Variants in DIAPH2 observed in about 807,000 individuals in gnomAD.
DIAPH2 encodes diaphanous related formin 2, also known as protein diaphanous homolog 2.
DIAPH2 carries 35 observed loss-of-function variants against 92.7 expected under a neutral mutation model. The ratio of observed to expected loss-of-function variants is 0.38; its 90% CI spans 0.29 to 0.50. The LOEUF (loss-of-function observed/expected upper bound fraction) is 0.50. DIAPH2 is among the 20% of genes least tolerant of loss of function. The probability of loss-of-function intolerance (pLI) is 0.94; values close to 1 mark genes in which losing one functional copy is unlikely to be tolerated. For synonymous variants in DIAPH2, 301 were observed against 280.4 expected (o/e 1.07, Z -0.73); for missense variants, 701 against 819.5 (o/e 0.86, Z 1.77).
intron 26 of DIAPH2, among the ~76,000 whole-genome samples, chrX:97,509,657 A>G (rs1443622880): frequency 1.1e-5 from 1 of 90,533 alleles, no homozygotes. Flanking sequence ...ATCCCTCCCC[A>G]CTCCCCCCAC....
At chrX:97,522,471 A>G (rs2070997734) in intron 26 of DIAPH2, among the ~76,000 whole-genome samples, 1 of 112,452 alleles carries the variant, frequency 8.9e-6, no homozygotes, top group African/African-American at 3.2e-5. Flanking sequence ...TTTCATAGTG[A>G]AAGTGTCTGG....
At chrX:97,299,007 TACC>T (rs2068671469) in intron 23 of DIAPH2, among the ~76,000 whole-genome samples, 1 of 111,671 alleles carries the variant, frequency 9.0e-6, no homozygotes, top group Non-Finnish European at 1.9e-5. Flanking sequence ...TTGAGCTGTT[TACC>T]ACGTTTTTGA....
At chrX:96,875,413 T>G (rs1256706482) in intron 4 of DIAPH2, among the ~76,000 whole-genome samples, 1 of 112,231 alleles carries the variant, frequency 8.9e-6, no homozygotes, top group Non-Finnish European at 1.9e-5. Context: ...ATATACAACC[T>G]TATACTTTTC....
chrX:97,057,956 A>G (rs2066568785), intron 17 of DIAPH2, among the ~76,000 whole-genome samples: 1 of 109,351 alleles, frequency 9.1e-6, no homozygotes, highest in Non-Finnish European at 1.9e-5. Context: ...ACATTGGGAA[A>G]TTCTATTTTG....
intron 5 of DIAPH2, among the ~76,000 whole-genome samples, chrX:96,890,118 C>G (rs2065297555): frequency 8.9e-6 from 1 of 111,902 alleles, no homozygotes; most frequent in Non-Finnish European, 1.9e-5. Context: ...AGGTTTCTAG[C>G]TGGTGAAGTG....
At chrX:97,263,899 T>TA (rs1180152371) in intron 23 of DIAPH2, among the ~76,000 whole-genome samples, 22 of 93,384 alleles carry the variant, frequency 2.4e-4, no homozygotes, top group African/African-American at 1.9e-4. Context: ...AACTGTTAGT[T>TA]TTTTATTTAT....
chrX:97,350,867 G>GA (rs2069205808), intron 24 of DIAPH2, among the ~76,000 whole-genome samples: 1 of 112,154 alleles, frequency 8.9e-6, no homozygotes, highest in South Asian at 3.7e-4. Flanking sequence ...TACAGAGTAA[G>GA]AATTTTTCAT....
At chrX:96,820,392 C>G (rs2064769889) in intron 4 of DIAPH2, among the ~76,000 whole-genome samples, 1 of 111,533 alleles carries the variant, frequency 9.0e-6, no homozygotes, top group Admixed American at 9.5e-5. Flanking sequence ...ATTGCTTGAG[C>G]TAGGGAGGCA....
At chrX:96,862,972 A>T (rs1186564161) in intron 4 of DIAPH2, among the ~76,000 whole-genome samples, 7 of 110,632 alleles carry the variant, frequency 6.3e-5, no homozygotes, top group Admixed American at 1.9e-4. Context: ...TTATGGGGAA[A>T]TTTTTTTGTC....
chrX:97,115,513 G>A (rs946708230), intron 21 of DIAPH2, among the ~76,000 whole-genome samples: 13 of 111,138 alleles, frequency 1.2e-4, no homozygotes, highest in Non-Finnish European at 2.5e-4. Context: ...TCCAGCCTAA[G>A]CAACAGAGCA....
In DIAPH2 at chrX:96,930,762, T is replaced by C; in HGVS notation, c.1008T>C (p.Leu336=). Residue 336 remains leucine (L), a synonymous_variant, in exon 10 of 27, where the codon CTT becomes CTC. Transcript: ENST00000324765. The part of the protein sequence containing the change: ...QVACMQFINA[L]VTSPYELDFR... ...CCTGCATGCAGTTTATAAATGCCCTTGTCACTTCTCCTTATGAGCTTGATT... is the reference window on the plus strand; with the variant it reads ...CCTGCATGCAGTTTATAAATGCCCTCGTCACTTCTCCTTATGAGCTTGATT... The C allele has an allele frequency of 8.3e-7, 1 of 1,204,440 alleles. No homozygotes were observed. The highest frequency in any genetic ancestry group is 1.8e-5 in the South Asian group (1 of 54,909).
At chrX:97,584,345 C>T (rs757633238) in intron 26 of DIAPH2, among the ~76,000 whole-genome samples, 102 of 111,786 alleles carry the variant, frequency 9.1e-4, no homozygotes, top group Non-Finnish European at 1.8e-3. Context: ...AATTTTGGGT[C>T]CCCAGTAATC....
rs772962935 is a variant in DIAPH2 at position 97,409,452 on chromosome X, A to G, written c.3146-20198A>G. Among the ~76,000 whole-genome samples the G allele has an allele frequency of 6.3e-5, 7 of 111,387 alleles. No individual in the cohort carries two copies. The Admixed American group carries it at 6.6e-4, about 11-fold the overall frequency. Reference sequence around the variant, plus strand: ...GCTGCAGTCTGCAGCTCCTAGAGTGATCGACACAGAAGATGGTGATTTCTG... The same window carrying G: ...GCTGCAGTCTGCAGCTCCTAGAGTGGTCGACACAGAAGATGGTGATTTCTG... On this transcript the variant is annotated intron_variant, in intron 25 of 26. Transcript: ENST00000324765.
At chrX:97,117,409 T>C (rs1328898362) in intron 21 of DIAPH2, among the ~76,000 whole-genome samples, 1 of 111,843 alleles carries the variant, frequency 8.9e-6, no homozygotes, top group East Asian at 2.8e-4. Context: ...TTATGAAAGA[T>C]TACTTCATTG....
At chrX:97,567,528 C>T (rs2071335958) in intron 26 of DIAPH2, among the ~76,000 whole-genome samples, 1 of 111,775 alleles carries the variant, frequency 8.9e-6, no homozygotes, top group Admixed American at 9.5e-5. Context: ...TACCACAGAT[C>T]TTTGCCTGGT....
At chrX:97,002,152 C>T (rs928063808) in intron 17 of DIAPH2, among the ~76,000 whole-genome samples, 2 of 110,894 alleles carry the variant, frequency 1.8e-5, no homozygotes, top group Non-Finnish European at 3.8e-5. Flanking sequence ...TCTATAGTCT[C>T]TTAAATACTC....
rs770092431 is a variant in DIAPH2, at chrX:96,965,167, C to T, written c.2010C>T (p.Leu670=). The change falls in exon 17 of 27, where the codon CTC becomes CTT. Residue 670 remains leucine (L), a synonymous_variant. Transcript: ENST00000324765. ...VKEDKFENPD[L]FAKLALNFAT... is the part of the protein sequence containing the mutation. ...AAGACAAGTTTGAGAATCCAGATCT[C>T]TTTGCCAAATTGGCATTGAATTTTG... 8 of 1,194,661 alleles carry T rather than the reference C, an allele frequency of 6.7e-6. No individual in the cohort carries two copies. The Middle Eastern group carries it at 1.7e-3, about 247-fold the overall frequency.
In DIAPH2 at chrX:96,791,757, T is replaced by C. The variant is rs1162790596; in HGVS notation, c.447+33499T>C. On this transcript the variant is annotated intron_variant, in intron 4 of 26. Coordinates refer to ENST00000324765, the MANE Select transcript of DIAPH2 (RefSeq NM_006729.5). ...TTCGGTAGGCAAGCCTCCAATAACG[T>C]TTACTGACCACTTACTGTGCTTGCC... is the stretch of plus-strand genomic sequence containing the variant. Among the ~76,000 whole-genome samples the C allele has an allele frequency of 2.0e-4, 22 of 111,079 alleles. 1 individual carries two copies. The highest frequency in any genetic ancestry group is 1.9e-3 in the Admixed American group (20 of 10,421).
chrX:96,879,512 C>T (rs1292236266), intron 4 of DIAPH2, among the ~76,000 whole-genome samples: 1 of 111,632 alleles, frequency 9.0e-6, no homozygotes, highest in Non-Finnish European at 1.9e-5. Context: ...AAATAGATCC[C>T]TTGTTACTGA....
Sources: allele counts gnomAD v4.1 joint callset (sites outside exome capture counted in the v4.1 genomes callset), GRCh38; gene constraint gnomAD v4.1.1; transcripts MANE v1.5; gene names NCBI Gene and HGNC (gene_info 2026-07-23, HGNC 2026-07-21).